The following TF variants were observed in gnomAD, a reference collection of about 807,000 sequenced individuals.
TF encodes serotransferrin.
TF carries 55 observed loss-of-function variants against 82.4 expected under a neutral mutation model. The observed-to-expected ratio is 0.67, with a 90% CI of 0.54 to 0.84. TF has a LOEUF of 0.84. Among genes scored for constraint, TF ranks in the 40% least tolerant of loss-of-function variants. The pLI, the probability that TF is intolerant of heterozygous loss-of-function variation, is 0.00. For synonymous variants in TF, 332 were observed against 332.6 expected (o/e 1.00, Z 0.02); for missense variants, 737 against 868.4 (o/e 0.85, Z 1.90).
the TF span, among the ~76,000 whole-genome samples, chr3:133,707,227 T>C: frequency 0.017 from 1,258 of 73,316 alleles, 19 homozygotes; most frequent in African/African-American, 0.064. Context: ...CACACACGCA[T>C]GGAAAGATGG....
At chr3:133,704,315 G>A in the TF span, 1 of 226,600 alleles carries the variant, frequency 4.4e-6, no homozygotes, top group South Asian at 7.8e-5. Context: ...GAGAACTACA[G>A]TAAGTGGAGG....
At chr3:133,687,119 C>G in the TF span, among the ~76,000 whole-genome samples, 5,206 of 152,244 alleles carry the variant, frequency 0.034, 125 homozygotes, top group Non-Finnish European at 0.053. Flanking sequence ...ACCACATGTT[C>G]TCACTCATAG....
In TF at chr3:133,775,265, G is replaced by A. The variant is rs982338317; in HGVS notation, c.1688-168G>A. 1.3e-5 allele frequency: 9 copies of A among 707,312 alleles called. No individual in the cohort carries two copies. In the Admixed American group the frequency reaches 1.9e-4, roughly 15 times the overall value. 43.8% of individuals were successfully genotyped at this position (707,312 alleles called of 1,614,324 possible). ...GTCACTGTGAGTCTGGCATCACCTT[G>A]TAGACCACATGGGTGTCTCTTCCTG... On this transcript the variant is annotated intron_variant, in intron 14 of 16. Transcript: ENST00000402696.
At chr3:133,682,362 C>T in the TF span, among the ~76,000 whole-genome samples, 9 of 152,118 alleles carry the variant, frequency 5.9e-5, no homozygotes, top group African/African-American at 9.7e-5. Flanking sequence ...ATGACTTTGA[C>T]GAGTTGAGAG....
chr3:133,784,482 ATAAT>A lies in TF; in HGVS notation c.*5863_*5866del, dbSNP rs1214342488. On this transcript the variant is annotated 3_prime_UTR_variant, in exon 17 of 17. Coordinates refer to ENST00000402696, the MANE Select transcript of TF (RefSeq NM_001063.4). ...CCCATTTGTTAAAAAAATAATAATA[ATAAT>A]AATAATAATAATAATAATAATAGGA... 1.4e-5 allele frequency: 2 copies of A among 142,544 alleles called. No individual in the cohort carries two copies. Among genetic ancestry groups the A allele is most frequent in the East Asian group, 2.0e-4 (1 of 4,970 alleles). The allele number at this position is 142,544 out of a possible 1,614,324, so 8.8% of individuals were successfully genotyped here.
At chr3:133,676,312 A>C in the TF span, among the ~76,000 whole-genome samples, 1 of 152,282 alleles carries the variant, frequency 6.6e-6, no homozygotes, top group African/African-American at 2.4e-5. Context: ...TGGCATGCAG[A>C]GCTCTAGGCA....
the TF span, among the ~76,000 whole-genome samples, chr3:133,711,180 C>G: frequency 6.6e-6 from 1 of 152,210 alleles, no homozygotes; most frequent in Non-Finnish European, 1.5e-5. Context: ...TCAACGGAAT[C>G]CCCAAGCACT....
intron 2 of TF, among the ~76,000 whole-genome samples, chr3:133,751,256 G>A (rs1218723933): frequency 4.2e-5 from 6 of 143,784 alleles, no homozygotes; most frequent in African/African-American, 1.0e-4. Context: ...TTTTTGAGAC[G>A]GAGTTTCGCT....
At chr3:133,702,367 GGGCTATGGTCA>G in the TF span, among the ~76,000 whole-genome samples, 1 of 151,966 alleles carries the variant, frequency 6.6e-6, no homozygotes, top group East Asian at 1.9e-4. Flanking sequence ...GTGACATTCC[GGGCTATGGTCA>G]GGGCTACTGT....
At chr3:133,775,227 A>T in intron 14 of TF, 1 of 625,156 alleles carries the variant, frequency 1.6e-6, no homozygotes, top group Non-Finnish European at 2.9e-6. Context: ...GGGATGGTCA[A>T]TAATCATTCC....
At chr3:133,755,233 G>C in intron 4 of TF, 130 bp from the exon 5 acceptor site, 1 of 1,185,548 alleles carries the variant, frequency 8.4e-7, no homozygotes, top group Non-Finnish European at 1.2e-6. Flanking sequence ...TAGCATAAGG[G>C]CAAGCTGGGG....
At chr3:133,777,335 G>A (rs1934421207) in intron 16 of TF, 97 bp downstream of exon 16, 3 of 1,189,986 alleles carry the variant, frequency 2.5e-6, no homozygotes, top group East Asian at 4.9e-5. Context: ...GTGGCCCTTG[G>A]GATAGGACAA....
At chr3:133,675,986 T>A in the TF span, among the ~76,000 whole-genome samples, 1 of 151,980 alleles carries the variant, frequency 6.6e-6, no homozygotes, top group Non-Finnish European at 1.5e-5. Flanking sequence ...GAGAAGGGAT[T>A]TTTTCCCCCT....
At chr3:133,663,669 G>T in the TF span, among the ~76,000 whole-genome samples, 1 of 152,150 alleles carries the variant, frequency 6.6e-6, no homozygotes, top group East Asian at 1.9e-4. Context: ...GATGGGGAAA[G>T]TGAAGTTCAG....
At chr3:133,726,805 AT>A in the TF span, among the ~76,000 whole-genome samples, 1 of 151,566 alleles carries the variant, frequency 6.6e-6, no homozygotes, top group African/African-American at 2.4e-5. Flanking sequence ...AGTGCTATAA[AT>A]TTCCCTCTAC....
intron 1 of TF, chr3:133,747,370 C>T (rs1478709653): frequency 6.6e-6 from 1 of 152,268 alleles, no homozygotes; most frequent in Non-Finnish European, 1.5e-5. Context: ...CTTATGTTGC[C>T]TCCTAGGATT....
chr3:133,684,268 C>T, the TF span, among the ~76,000 whole-genome samples: 1 of 152,164 alleles, frequency 6.6e-6, no homozygotes, highest in African/African-American at 2.4e-5. Context: ...CTAAAATTGA[C>T]ACCCTAACAT....
chr3:133,698,445 C>T, the TF span, among the ~76,000 whole-genome samples: 1 of 152,122 alleles, frequency 6.6e-6, no homozygotes, highest in Non-Finnish European at 1.5e-5. Flanking sequence ...GGCTAGAATT[C>T]CAAGATCATG....
chr3:133,743,623 C>G (rs1211151291), upstream of TF, among the ~76,000 whole-genome samples: 4 of 152,140 alleles, frequency 2.6e-5, no homozygotes, highest in African/African-American at 9.7e-5. Context: ...CTGTAAGATA[C>G]AGATGCTAAA....
Sources: allele counts gnomAD v4.1 joint callset (sites outside exome capture counted in the v4.1 genomes callset), GRCh38; gene constraint gnomAD v4.1.1; transcripts MANE v1.5; gene names NCBI Gene and HGNC (gene_info 2026-07-23, HGNC 2026-07-21).